TMEM273: variants seen among roughly 807,000 people sequenced by gnomAD.
TMEM273 encodes chromosome 10 open reading frame 128.
Under a neutral mutation model 17.9 loss-of-function variants are expected in TMEM273, and 19 were observed. The ratio of observed to expected loss-of-function variants is 1.06; its 90% confidence interval spans 0.74 to 1.55. The LOEUF (loss-of-function observed/expected upper bound fraction) is 1.55, where lower values mean the gene tolerates loss of function less well. Among genes scored for constraint, TMEM273 ranks in the 40% most tolerant of loss-of-function variants. TMEM273 has a pLI of 0.00. For missense variants in TMEM273, 194 were observed against 155.6 expected, an observed-to-expected ratio of 1.25 and a Z score of -1.31; for synonymous variants, 66 against 62.0, an observed-to-expected ratio of 1.07 and a Z score of -0.31.
Position 49,162,434 on chromosome 10 carries a change from G to A in TMEM273, c.349-812C>T, listed in dbSNP as rs149335563. Among the ~76,000 whole-genome samples, 535 of 152,286 alleles carry A rather than the reference G, an allele frequency of 3.5e-3. 4 individuals are homozygous for A. Among genetic ancestry groups the A allele is most frequent in the African/African-American group, 0.012 (508 of 41,550 alleles). ...TGAAATTTCATTCTATGTGAAGTCC[G>A]TGGCTAAGATGTCCCTGAAGCATGG... On this transcript the variant is annotated intron_variant, in intron 5 of 6. Coordinates refer to ENST00000374153, the MANE Select transcript of TMEM273 (RefSeq NM_001288740.3).
intron 1 of TMEM273, among the ~76,000 whole-genome samples, chr10:49,172,080 T>C (rs1251100458): frequency 1.3e-5 from 2 of 152,228 alleles, no homozygotes; most frequent in Non-Finnish European, 2.9e-5. Context: ...CATAGTCTTC[T>C]TGGGACTTAA....
chr10:49,157,684 C>T (rs1490844691), intron 6 of TMEM273, among the ~76,000 whole-genome samples: 1 of 152,176 alleles, frequency 6.6e-6, no homozygotes, highest in African/African-American at 2.4e-5. Context: ...CTGATGAATG[C>T]TCCTTAACAT....
chr10:49,180,330 T>C (rs1198093958), intron 1 of TMEM273, among the ~76,000 whole-genome samples: 1 of 152,164 alleles, frequency 6.6e-6, no homozygotes, highest in Non-Finnish European at 1.5e-5. Context: ...GTTCCACTTC[T>C]GGCAATAATT....
At chr10:49,181,715 T>C (rs532795985) in intron 1 of TMEM273, among the ~76,000 whole-genome samples, 8 of 152,290 alleles carry the variant, frequency 5.3e-5, no homozygotes, top group East Asian at 1.9e-4. Context: ...AAATTGATCA[T>C]AGATTTCAAT....
chr10:49,169,626 C>T (rs1278712818), intron 1 of TMEM273, among the ~76,000 whole-genome samples: 1 of 152,228 alleles, frequency 6.6e-6, no homozygotes, highest in African/African-American at 2.4e-5. Context: ...CACATTTGCT[C>T]ACACACACAG....
At chr10:49,176,749 C>T (rs576559976) in intron 1 of TMEM273, among the ~76,000 whole-genome samples, 1 of 152,236 alleles carries the variant, frequency 6.6e-6, no homozygotes, top group African/African-American at 2.4e-5. Context: ...GAAACGGCAG[C>T]ACACAGCCTG....
chr10:49,168,094 T>A, intron 1 of TMEM273, 132 bp from the exon 2 acceptor site: 1 of 1,016,610 alleles, frequency 9.8e-7, no homozygotes, highest in Non-Finnish European at 1.5e-6. Context: ...CCAATTGCCA[T>A]GGAGTGTCTT....
chr10:49,179,907 C>T (rs12768927), intron 1 of TMEM273, among the ~76,000 whole-genome samples: 49,243 of 152,064 alleles, frequency 0.32, 8,103 homozygotes, highest in South Asian at 0.47. Context: ...AAAAACTGTG[C>T]CCTCACCCCA....
intron 1 of TMEM273, among the ~76,000 whole-genome samples, chr10:49,186,719 G>C (rs1479388635): frequency 6.6e-6 from 1 of 152,208 alleles, no homozygotes; most frequent in Non-Finnish European, 1.5e-5. Flanking sequence ...CATTTAAGGA[G>C]TCTCGTACTG....
intron 6 of TMEM273, chr10:49,156,194 A>G (rs759879780): frequency 1.4e-5 from 20 of 1,464,110 alleles, no homozygotes; most frequent in African/African-American, 2.8e-5. Flanking sequence ...CTCGAGGTTA[A>G]TAGGCATATT....
rs116020702 is a variant in TMEM273 at position 49,154,841 on chromosome 10, C to T, written c.*1051G>A. 5.3e-5 allele frequency: 8 copies of T among 152,308 alleles called. No homozygotes were observed. The highest frequency in any genetic ancestry group is 1.3e-4 in the Admixed American group (2 of 15,308). The allele number at this position is 152,308 out of a possible 1,614,324, so 9.4% of individuals were successfully genotyped here. On this transcript the variant is annotated 3_prime_UTR_variant, in exon 7 of 7. Coordinates refer to ENST00000374153, the MANE Select transcript of TMEM273 (RefSeq NM_001288740.3). ...AACAAAGGCTGCTAATGAACAGCAT[C>T]GTTATCAAGTTGGGTAAGAGACGCC...
chr10:49,173,875 C>A (rs547062075), intron 1 of TMEM273, among the ~76,000 whole-genome samples: 1 of 152,128 alleles, frequency 6.6e-6, no homozygotes, highest in Non-Finnish European at 1.5e-5. Context: ...GGGGCGATAG[C>A]GTTTCCCCTG....
At chr10:49,158,760 A>C (rs1845666526) in intron 6 of TMEM273, among the ~76,000 whole-genome samples, 1 of 152,232 alleles carries the variant, frequency 6.6e-6, no homozygotes. Flanking sequence ...GGTTTTAAAA[A>C]ATAGTATCGG....
chr10:49,166,605 G>A (rs1846200678), intron 3 of TMEM273: 2 of 487,554 alleles, frequency 4.1e-6, no homozygotes, highest in Non-Finnish European at 7.5e-6. Flanking sequence ...CAGAGGGAAA[G>A]AGACACAGAA....
chr10:49,160,416 C>T (rs1845770263), intron 6 of TMEM273: 1 of 151,946 alleles, frequency 6.6e-6, no homozygotes, highest in Non-Finnish European at 1.5e-5. Flanking sequence ...GAAAATGGGA[C>T]ATTGTATAAG....
At chr10:49,163,262 T>C (rs529123240) in intron 5 of TMEM273, among the ~76,000 whole-genome samples, 1 of 152,040 alleles carries the variant, frequency 6.6e-6, no homozygotes, top group East Asian at 1.9e-4. Flanking sequence ...CTTCAGCCAA[T>C]GTGGGTCTGG....
intron 5 of TMEM273, among the ~76,000 whole-genome samples, chr10:49,163,849 T>C (rs1845999936): frequency 1.3e-5 from 2 of 152,100 alleles, no homozygotes; most frequent in African/African-American, 2.4e-5. Context: ...AAAAGTGAAC[T>C]TCTCAAGAAA....
intron 6 of TMEM273, among the ~76,000 whole-genome samples, chr10:49,157,362 G>A (rs1489795298): frequency 6.6e-6 from 1 of 152,254 alleles, no homozygotes; most frequent in Non-Finnish European, 1.5e-5. Context: ...GGCTGGACTA[G>A]TAGGTGAATT....
At position 49,166,909 on chromosome 10, in the gene TMEM273, G is replaced by A. The variant is rs367567851; in HGVS notation, c.198C>T (p.Asp66=). 22 of 1,613,856 alleles carry A rather than the reference G, an allele frequency of 1.4e-5. No individual in the cohort carries two copies. The highest frequency in any genetic ancestry group is 1.6e-4 in the Middle Eastern group (1 of 6,084). ...ICMIRRHLFD[D]DSSDLKSTPG... The stretch of plus-strand genomic sequence containing the variant: ...GCGTGCTTTTCAGGTCGGAAGAGTC[G>A]TCGTCAAATAAGTGCCTCCTGATCA... The change falls in exon 3 of 7, where the codon GAC becomes GAT. Residue 66 remains aspartate (D), a synonymous_variant. Transcript: ENST00000374153.
Sources: gnomAD v4.1 joint callset for allele counts (sites outside exome capture counted in the v4.1 genomes callset) on GRCh38, gnomAD v4.1.1 for gene constraint, MANE v1.5 for transcripts, NCBI Gene and HGNC (gene_info 2026-07-23, HGNC 2026-07-21) for gene names.